MRGPRG: variants seen among roughly 807,000 people sequenced by gnomAD.
MRGPRG encodes MAS related GPR family member G, also known as mas-related G protein-coupled receptor member G.
For synonymous variants in MRGPRG, 216 were observed against 206.7 expected (o/e 1.05, Z -0.39); for missense variants, 395 against 394.7 (o/e 1.00, Z -0.01).
At position 3,218,627 on chromosome 11, in the gene MRGPRG, A is replaced by C; in HGVS notation, c.187T>G (p.Cys63Gly). 6.5e-7 allele frequency: 1 copy of C among 1,546,104 alleles called. No homozygotes were observed. Among genetic ancestry groups the C allele is most frequent in the South Asian group, 1.2e-5 (1 of 83,510 alleles). The change falls in exon 1 of 1, where the codon TGC becomes GGC. Residue 63 changes from cysteine (C) to glycine (G), a missense_variant. Transcript: ENST00000332314. ...TGAGCCACGGAGAAGCCCACACGGC[A>C]GGAGAGGAACAGGAAGTCGGCGGCG... ...LAAADFLFLS[C>G]RVGFSVAQAA... is the part of the protein sequence containing the mutation.
chr11:3,218,109 G>A lies in MRGPRG; in HGVS notation c.705C>T (p.Ala235=), dbSNP rs1429224054. Residue 235 remains alanine, a synonymous_variant, in exon 1 of 1, where the codon GCC becomes GCT. Transcript: ENST00000332314. ...TGCTGTTGACGCAGGCCAGCAGCGT[G>A]GCCAGCGGGGAAAACACGGGCAGCA... is the stretch of plus-strand genomic sequence containing the variant. The part of the protein sequence containing the change: ...NFLLPVFSPL[A]TLLACVNSSS... 1 of 1,544,858 alleles carries A rather than the reference G, an allele frequency of 6.5e-7. No homozygotes were observed. The highest frequency in any genetic ancestry group is 8.7e-7 in the Non-Finnish European group (1 of 1,143,450).
rs1847645938 is a variant in MRGPRG, at chr11:3,218,304, C to T, written c.510G>A (p.Leu170=). ...CGCCAGCCGTCCAGGCGACGCGGGC[C>T]AGCACCAGGAACCAGGTGACGCTGG... is the stretch of plus-strand genomic sequence containing the variant. ...HVASVTWFLV[L]ARVAWTAGVV... Residue 170 remains leucine, a synonymous_variant, in exon 1 of 1, where the codon CTG becomes CTA. Transcript: ENST00000332314. 1 of 1,458,624 alleles carries T rather than the reference C, an allele frequency of 6.9e-7. No individual in the cohort carries two copies. The allele number at this position is 1,458,624 out of a possible 1,614,324, so 90.4% of individuals were successfully genotyped here. A position where few individuals can be genotyped will look rare whatever the true frequency, so the allele number is the denominator to read the frequency against.
rs1208627771 is a variant in MRGPRG at position 3,217,956 on chromosome 11, C to A, written c.858G>T (p.Met286Ile). 8.0e-6 allele frequency: 12 copies of A among 1,491,174 alleles called. 1 individual carries two copies. Among genetic ancestry groups the A allele is most frequent in the Non-Finnish European group, 1.1e-5 (12 of 1,112,982 alleles). The allele number at this position is 1,491,174 out of a possible 1,614,324, so 92.4% of individuals were successfully genotyped here. ...ELGARGQSLP[M>I]GLL ...GGGGCAAGCCCACTTATAGGAGACC[C>A]ATGGGCAGGGACTGTCCCCTGGCAC... The change falls in exon 1 of 1, where the codon ATG becomes ATT. Residue 286 changes from methionine (M) to isoleucine (I), a missense_variant. Met to Ile is a conservative substitution (Grantham distance 10). Coordinates refer to ENST00000332314, the MANE Select transcript of MRGPRG (RefSeq NM_001164377.1). The surrounding 1 kb of genome is among the most constrained non-coding windows in gnomAD (Gnocchi z 6.5).
chr11:3,218,283 A>G lies in MRGPRG; in HGVS notation c.531T>C (p.Ala177=). Residue 177 remains alanine (A), a synonymous_variant, in exon 1 of 1, where the codon GCT becomes GCC. Transcript: ENST00000332314. The part of the protein sequence containing the change: ...FLVLARVAWT[A]GVVLFVWVTC... ...TCACCCAGACAAAGAGGACCACGCC[A>G]GCCGTCCAGGCGACGCGGGCCAGCA... The G allele has an allele frequency of 6.8e-7, 1 of 1,466,200 alleles. No individual in the cohort carries two copies. Among genetic ancestry groups the G allele is most frequent in the Non-Finnish European group, 9.0e-7 (1 of 1,106,234 alleles). 90.8% of individuals were successfully genotyped at this position (1,466,200 alleles called of 1,614,324 possible). A position where few individuals can be genotyped will look rare whatever the true frequency, so the allele number is the denominator to read the frequency against.
Position 3,218,541 on chromosome 11 carries a change from C to T in MRGPRG, c.273G>A (p.Val91=). 6.5e-7 allele frequency: 1 copy of T among 1,545,450 alleles called. No homozygotes were observed. The highest frequency in any genetic ancestry group is 2.4e-5 in the East Asian group (1 of 40,870). ...TGAAGGCCGCCAGCAGCCAGAGCCC[C>T]ACCGCGAACCACAGGAAGGTGAGCA... ...YFVLTFLWFA[V]GLWLLAAFSV... Residue 91 remains valine, a synonymous_variant, in exon 1 of 1, where the codon GTG becomes GTA. Coordinates refer to ENST00000332314, the MANE Select transcript of MRGPRG (RefSeq NM_001164377.1).
At position 3,218,519 on chromosome 11, in the gene MRGPRG, A is replaced by G; in HGVS notation, c.295T>C (p.Phe99Leu). The change falls in exon 1 of 1, where the codon TTC becomes CTC. Residue 99 changes from phenylalanine (F) to leucine (L), a missense_variant. Phe to Leu is a conservative substitution (Grantham distance 22). Transcript: ENST00000332314. ...TCGGAGAGGCAGCGCTCCACGCTGA[A>G]GGCCGCCAGCAGCCAGAGCCCCACC... ...FAVGLWLLAA[F>L]SVERCLSDLF... 1 of 1,545,188 alleles carries G rather than the reference A, an allele frequency of 6.5e-7. No individual in the cohort carries two copies. Among genetic ancestry groups the G allele is most frequent in the Non-Finnish European group, 8.7e-7 (1 of 1,143,864 alleles).
chr11:3,218,422 G>C lies in MRGPRG; in HGVS notation c.392C>G (p.Thr131Ser). Reference sequence around the variant, plus strand: ...CAGCGGCACGGCCGGCAGGGTCGGGGTCCACACCAGGGCGCAGAGGACGGC... The same window carrying C: ...CAGCGGCACGGCCGGCAGGGTCGGGCTCCACACCAGGGCGCAGAGGACGGC... ...ASAVLCALVW[T>S]PTLPAVPLPA... Residue 131 changes from threonine (T) to serine (S), a missense_variant, in exon 1 of 1, where the codon ACC becomes AGC. Transcript: ENST00000332314. 6.5e-7 allele frequency: 1 copy of C among 1,533,332 alleles called. No individual in the cohort carries two copies. The allele number at this position is 1,533,332 out of a possible 1,614,324, so 95.0% of individuals were successfully genotyped here.
At position 3,218,495 on chromosome 11, in the gene MRGPRG, C is replaced by T. The variant is rs1160877464; in HGVS notation, c.319G>A (p.Asp107Asn). The T allele has an allele frequency of 3.2e-6, 5 of 1,544,540 alleles. No individual in the cohort carries two copies. The East Asian group carries it at 9.8e-5, about 30-fold the overall frequency. The stretch of plus-strand genomic sequence containing the variant: ...CCCTGGTAGCAGGCGGGGAAGAGGT[C>T]GGAGAGGCAGCGCTCCACGCTGAAG... ...AAFSVERCLS[D>N]LFPACYQGCR... The change falls in exon 1 of 1, where the codon GAC becomes AAC. Residue 107 changes from aspartate to asparagine, a missense_variant. Asp to Asn is a conservative substitution (Grantham distance 23, BLOSUM62 1). Coordinates refer to ENST00000332314, the MANE Select transcript of MRGPRG (RefSeq NM_001164377.1).
rs765874607 is a variant in MRGPRG, at chr11:3,218,499, G to C, written c.315C>G (p.Leu105=). ...GGTAGCAGGCGGGGAAGAGGTCGGAGAGGCAGCGCTCCACGCTGAAGGCCG... is the reference window on the plus strand; with the variant it reads ...GGTAGCAGGCGGGGAAGAGGTCGGACAGGCAGCGCTCCACGCTGAAGGCCG... ...LLAAFSVERC[L]SDLFPACYQG... Residue 105 remains leucine (L), a synonymous_variant, in exon 1 of 1, where the codon CTC becomes CTG. Transcript: ENST00000332314. 1 of 1,544,778 alleles carries C rather than the reference G, an allele frequency of 6.5e-7. No homozygotes were observed. The highest frequency in any genetic ancestry group is 1.2e-5 in the South Asian group (1 of 83,492).
Position 3,218,189 on chromosome 11 carries a change from A to G in MRGPRG, c.625T>C (p.Phe209Leu). 1.3e-6 allele frequency: 2 copies of G among 1,541,106 alleles called. No homozygotes were observed. The highest frequency in any genetic ancestry group is 1.8e-6 in the Non-Finnish European group (2 of 1,141,092). The change falls in exon 1 of 1, where the codon TTC becomes CTC. Residue 209 changes from phenylalanine (F) to leucine (L), a missense_variant. Phe to Leu is a conservative substitution (Grantham distance 22). Coordinates refer to ENST00000332314, the MANE Select transcript of MRGPRG (RefSeq NM_001164377.1). Reference protein sequence around the residue: ...IVLGALLLLFFCGLPSVFYWS... With the variant: ...IVLGALLLLFLCGLPSVFYWS... Reference sequence around the variant, plus strand: ...TAGAAGACCGAGGGCAGGCCACAGAAGAAGAGCAGGAGCAGCGCGCCCAGG... The same window carrying G: ...TAGAAGACCGAGGGCAGGCCACAGAGGAAGAGCAGGAGCAGCGCGCCCAGG...
At position 3,218,286 on chromosome 11, in the gene MRGPRG, C is replaced by T. The variant is rs760212108; in HGVS notation, c.528G>A (p.Thr176=). 8.1e-5 allele frequency: 118 copies of T among 1,463,644 alleles called. 1 individual carries two copies. In the African/African-American group the frequency reaches 1.5e-3, roughly 18 times the overall value. The allele number at this position is 1,463,644 out of a possible 1,614,324, so 90.7% of individuals were successfully genotyped here. A position where few individuals can be genotyped will look rare whatever the true frequency, so the allele number is the denominator to read the frequency against. The change falls in exon 1 of 1, where the codon ACG becomes ACA. Residue 176 remains threonine (T), a synonymous_variant. Coordinates refer to ENST00000332314, the MANE Select transcript of MRGPRG (RefSeq NM_001164377.1). ...CCCAGACAAAGAGGACCACGCCAGC[C>T]GTCCAGGCGACGCGGGCCAGCACCA... The part of the protein sequence containing the change: ...WFLVLARVAW[T]AGVVLFVWVT...
chr11:3,218,538 C>A lies in MRGPRG; in HGVS notation c.276G>T (p.Gly92=), dbSNP rs991456822. ...CGCTGAAGGCCGCCAGCAGCCAGAG[C>A]CCCACCGCGAACCACAGGAAGGTGA... ...FVLTFLWFAV[G]LWLLAAFSVE... The change falls in exon 1 of 1, where the codon GGG becomes GGT. Residue 92 remains glycine, a synonymous_variant. Transcript: ENST00000332314. The A allele has an allele frequency of 1.3e-6, 2 of 1,545,382 alleles. No individual in the cohort carries two copies. Among genetic ancestry groups the A allele is most frequent in the South Asian group, 2.4e-5 (2 of 83,478 alleles).
Position 3,218,641 on chromosome 11 carries a change from A to G in MRGPRG, c.173T>C (p.Phe58Ser). The G allele has an allele frequency of 6.5e-7, 1 of 1,546,050 alleles. No homozygotes were observed. The highest frequency in any genetic ancestry group is 8.7e-7 in the Non-Finnish European group (1 of 1,143,858). Residue 58 changes from phenylalanine (F) to serine (S), a missense_variant, in exon 1 of 1, where the codon TTC (phenylalanine) becomes TCC (serine). By Grantham distance (155) the Phe-to-Ser change is radical. Transcript: ENST00000332314. ...IYLLHLAAAD[F>S]LFLSCRVGFS... is the part of the protein sequence containing the mutation. ...GCCCACACGGCAGGAGAGGAACAGG[A>G]AGTCGGCGGCGGCCAGGTGCAGCAG...
chr11:3,218,408 C>T lies in MRGPRG; in HGVS notation c.406G>A (p.Ala136Thr). 6.6e-7 allele frequency: 1 copy of T among 1,515,722 alleles called. No homozygotes were observed. The highest frequency in any genetic ancestry group is 1.3e-5 in the South Asian group (1 of 79,830). 93.9% of individuals were successfully genotyped at this position (1,515,722 alleles called of 1,614,324 possible). ...CAGGCGTTGGCGGGCAGCGGCACGG[C>T]CGGCAGGGTCGGGGTCCACACCAGG... is the stretch of plus-strand genomic sequence containing the variant. ...CALVWTPTLP[A>T]VPLPANACGL... The change falls in exon 1 of 1, where the codon GCC (alanine) becomes ACC (threonine). Residue 136 changes from alanine (A) to threonine (T), a missense_variant. Transcript: ENST00000332314.
At position 3,218,467 on chromosome 11, in the gene MRGPRG, C is replaced by G; in HGVS notation, c.347G>C (p.Cys116Ser). 3.2e-6 allele frequency: 5 copies of G among 1,542,846 alleles called. No individual in the cohort carries two copies. The highest frequency in any genetic ancestry group is 4.4e-6 in the Non-Finnish European group (5 of 1,143,590). The change falls in exon 1 of 1, where the codon TGC (cysteine) becomes TCC (serine). Residue 116 changes from cysteine to serine, a missense_variant. By Grantham distance (112) the Cys-to-Ser change is moderately radical (BLOSUM62 -1). Coordinates refer to ENST00000332314, the MANE Select transcript of MRGPRG (RefSeq NM_001164377.1). ...SDLFPACYQG[C>S]RPRHASAVLC... ...GACGGCCGAGGCGTGTCTGGGCCGG[C>G]AGCCCTGGTAGCAGGCGGGGAAGAG...
At position 3,218,370 on chromosome 11, in the gene MRGPRG, G is replaced by C; in HGVS notation, c.444C>G (p.Arg148=). The part of the protein sequence containing the change: ...PLPANACGLL[R]NSACPLVCPR... ...GGCAGACCAGGGGGCACGCGCTGTT[G>C]CGCAGCAGGCCGCAGGCGTTGGCGG... Residue 148 remains arginine (R), a synonymous_variant, in exon 1 of 1, where the codon CGC becomes CGG. Coordinates refer to ENST00000332314, the MANE Select transcript of MRGPRG (RefSeq NM_001164377.1). 6.8e-7 allele frequency: 1 copy of C among 1,479,066 alleles called. No individual in the cohort carries two copies. The highest frequency in any genetic ancestry group is 8.9e-7 in the Non-Finnish European group (1 of 1,118,818). 91.6% of individuals were successfully genotyped at this position (1,479,066 alleles called of 1,614,324 possible).
the MRGPRG span, chr11:3,218,166 G>GA: frequency 2.6e-6 from 4 of 1,543,734 alleles, no homozygotes; most frequent in African/African-American, 5.5e-5. Flanking sequence ...GGCTCCAGTA[G>GA]AAGACCGAGG....
rs1361916431 is a variant in MRGPRG at position 3,218,469 on chromosome 11, G to C, written c.345C>G (p.Gly115=). ...CGGCCGAGGCGTGTCTGGGCCGGCA[G>C]CCCTGGTAGCAGGCGGGGAAGAGGT... The part of the protein sequence containing the change: ...LSDLFPACYQ[G]CRPRHASAVL... Residue 115 remains glycine (G), a synonymous_variant, in exon 1 of 1, where the codon GGC becomes GGG. Coordinates refer to ENST00000332314, the MANE Select transcript of MRGPRG (RefSeq NM_001164377.1). 6.5e-7 allele frequency: 1 copy of C among 1,543,236 alleles called. No homozygotes were observed. Among genetic ancestry groups the C allele is most frequent in the Non-Finnish European group, 8.7e-7 (1 of 1,143,652 alleles).
Position 3,218,739 on chromosome 11 carries a change from C to T in MRGPRG, c.75G>A (p.Gly25=). The change falls in exon 1 of 1, where the codon GGG becomes GGA. Residue 25 remains glycine, a synonymous_variant. Coordinates refer to ENST00000332314, the MANE Select transcript of MRGPRG (RefSeq NM_001164377.1). Reference sequence around the variant, plus strand: ...GCACCAGCCCGTTACCTACCGGTCCCCCGAGGCCCACGATCAGCGTCAGGT... The same window carrying T: ...GCACCAGCCCGTTACCTACCGGTCCTCCGAGGCCCACGATCAGCGTCAGGT... ...VFYLTLIVGL[G]GPVGNGLVLW... 1 of 1,546,046 alleles carries T rather than the reference C, an allele frequency of 6.5e-7. No individual in the cohort carries two copies. The highest frequency in any genetic ancestry group is 1.2e-5 in the South Asian group (1 of 83,506).
Sources: allele counts gnomAD v4.1 joint callset, GRCh38; gene constraint gnomAD v4.1.1; non-coding constraint Gnocchi (gnomAD v3.1); transcripts MANE v1.5; gene names NCBI Gene and HGNC (gene_info 2026-07-23, HGNC 2026-07-21).